SMYD3: variants seen among roughly 807,000 people sequenced by gnomAD.
The protein encoded by SMYD3 is SET and MYND domain containing 3, also known as histone-lysine N-methyltransferase SMYD3.
A neutral mutation model predicts 57.7 loss-of-function variants in SMYD3; 36 were observed. That is an observed-to-expected ratio of 0.62 (90% CI 0.48 to 0.82). The LOEUF (loss-of-function observed/expected upper bound fraction) is 0.82, where lower values mean the gene tolerates loss of function less well. Ranked by LOEUF, SMYD3 falls within the 40% of genes least tolerant of loss-of-function variation. The pLI is 0.00. For synonymous variants in SMYD3, 211 were observed against 195.0 expected, an observed-to-expected ratio of 1.08 and a Z score of -0.68; for missense variants, 515 against 538.8, an observed-to-expected ratio of 0.96 and a Z score of 0.44.
At chr1:246,457,573 A>C (rs1205906074) in intron 1 of SMYD3, among the ~76,000 whole-genome samples, 1 of 151,586 alleles carries the variant, frequency 6.6e-6, no homozygotes, top group African/African-American at 2.4e-5. Context: ...AGAAAAGAAA[A>C]GAAAAAGAAA....
At chr1:246,125,714 G>A (rs911107950) in intron 5 of SMYD3, among the ~76,000 whole-genome samples, 7 of 151,984 alleles carry the variant, frequency 4.6e-5, no homozygotes, top group Non-Finnish European at 4.4e-5. Flanking sequence ...AATGGCAATG[G>A]CAAAAACAAG....
Position 246,349,989 on chromosome 1 carries a change from G to A in SMYD3, c.228+5042C>T, listed in dbSNP as rs141551842. On this transcript the variant is annotated intron_variant, in intron 2 of 11. Coordinates refer to ENST00000490107, the MANE Select transcript of SMYD3 (RefSeq NM_001167740.2). ...ATTAAAAGACAGGAATGGTCGCAGT[G>A]GATCAAGACACAAAACCCAACCATA... Among the ~76,000 whole-genome samples the A allele has an allele frequency of 1.8e-4, 27 of 152,160 alleles. 1 individual carries two copies. In the East Asian group the frequency reaches 4.6e-3, roughly 26 times the overall value.
In SMYD3 at chr1:246,155,457, A is replaced by G. The variant is rs574766075; in HGVS notation, c.531+171744T>C. Among the ~76,000 whole-genome samples, 11 of 152,366 alleles carry G rather than the reference A, an allele frequency of 7.2e-5. No homozygotes were observed. In the South Asian group the frequency reaches 2.3e-3, roughly 32 times the overall value. ...TGATTAAAGAAAAATATAAAATTTC[A>G]AGCCCATCAACCAGTGCTGCTCTAT... On this transcript the variant is annotated intron_variant, in intron 5 of 11. Coordinates refer to ENST00000490107, the MANE Select transcript of SMYD3 (RefSeq NM_001167740.2).
chr1:245,762,075 G>A (rs984707483), intron 11 of SMYD3, among the ~76,000 whole-genome samples: 7 of 152,020 alleles, frequency 4.6e-5, no homozygotes, highest in South Asian at 2.1e-4. Context: ...GTGAGCCACC[G>A]CGCCCAGCCT....
intron 8 of SMYD3, among the ~76,000 whole-genome samples, chr1:245,904,756 G>C (rs1473224820): frequency 1.3e-5 from 2 of 152,066 alleles, no homozygotes; most frequent in Admixed American, 6.5e-5. Flanking sequence ...TGAGGCACCA[G>C]CTGGGACAGC....
intron 1 of SMYD3, among the ~76,000 whole-genome samples, chr1:246,361,616 T>C (rs571608810): frequency 6.6e-6 from 1 of 152,070 alleles, no homozygotes; most frequent in South Asian, 2.1e-4. Flanking sequence ...CACTCAACCA[T>C]AAAAAGGAAC....
At chr1:246,427,526 A>T (rs142638093) in intron 1 of SMYD3, among the ~76,000 whole-genome samples, 3,353 of 147,476 alleles carry the variant, frequency 0.023, 92 homozygotes, top group African/African-American at 0.067. Context: ...TCTCAAAAAA[A>T]AAAAAAATAA....
intron 5 of SMYD3, among the ~76,000 whole-genome samples, chr1:246,132,322 A>C (rs2061601309): frequency 6.6e-6 from 1 of 152,132 alleles, no homozygotes; most frequent in Non-Finnish European, 1.5e-5. Context: ...TTATGAAAAA[A>C]ACAATCCATG....
At chr1:246,352,239 A>G (rs1362906847) in intron 2 of SMYD3, among the ~76,000 whole-genome samples, 1 of 151,454 alleles carries the variant, frequency 6.6e-6, no homozygotes, top group African/African-American at 2.4e-5. Flanking sequence ...CACCTGCAAT[A>G]CCCCAATAGC....
intron 10 of SMYD3, among the ~76,000 whole-genome samples, chr1:245,838,866 A>G (rs990268482): frequency 1.3e-5 from 2 of 152,254 alleles, no homozygotes; most frequent in African/African-American, 4.8e-5. Context: ...CAGGAGACAT[A>G]CAATCCCACC....
chr1:245,943,375 C>A (rs1384431791), intron 5 of SMYD3, among the ~76,000 whole-genome samples: 1 of 152,042 alleles, frequency 6.6e-6, no homozygotes, highest in Non-Finnish European at 1.5e-5. Flanking sequence ...TGCAAATAAA[C>A]TAGAAAATCT....
At chr1:246,017,797 T>C (rs746821403) in intron 5 of SMYD3, among the ~76,000 whole-genome samples, 3 of 152,192 alleles carry the variant, frequency 2.0e-5, no homozygotes, top group Non-Finnish European at 4.4e-5. Flanking sequence ...AACTTAGGAC[T>C]TTAAGCACTG....
At chr1:245,880,320 G>A (rs1160750961) in intron 8 of SMYD3, among the ~76,000 whole-genome samples, 1 of 152,182 alleles carries the variant, frequency 6.6e-6, no homozygotes. Context: ...ATATTCTGGG[G>A]GTAAGATAAG....
At chr1:245,993,853 T>A (rs1300512083) in intron 5 of SMYD3, among the ~76,000 whole-genome samples, 1 of 152,212 alleles carries the variant, frequency 6.6e-6, no homozygotes, top group Non-Finnish European at 1.5e-5. Flanking sequence ...GGAATGTATT[T>A]AATGTCACTG....
intron 1 of SMYD3, among the ~76,000 whole-genome samples, chr1:246,434,658 G>A (rs560550128): frequency 1.8e-4 from 28 of 152,188 alleles, no homozygotes; most frequent in Non-Finnish European, 3.7e-4. Context: ...AGATGCTGGC[G>A]AGGCTGCAGA....
chr1:246,074,470 C>T (rs1425693935), intron 5 of SMYD3, among the ~76,000 whole-genome samples: 1 of 150,906 alleles, frequency 6.6e-6, no homozygotes, highest in Non-Finnish European at 1.5e-5. Flanking sequence ...CCAAATATAA[C>T]AACTATAAGC....
Position 245,915,525 on chromosome 1 carries a change from C to A in SMYD3, c.813+5G>T, listed in dbSNP as rs747600087. On this transcript the variant is annotated splice_donor_5th_base_variant and intron_variant, in intron 8 of 11. Coordinates refer to ENST00000490107, the MANE Select transcript of SMYD3 (RefSeq NM_001167740.2). ...GGTGTTTCAATCTGGTTCCATACTA[C>A]ATACCTTGTCCTGGGTTTGGCAACG... 3 of 1,600,926 alleles carry A rather than the reference C, an allele frequency of 1.9e-6. No individual in the cohort carries two copies. In the Admixed American group the frequency reaches 5.0e-5, roughly 27 times the overall value.
intron 5 of SMYD3, among the ~76,000 whole-genome samples, chr1:246,006,499 C>T (rs981416138): frequency 3.0e-4 from 45 of 152,138 alleles, no homozygotes; most frequent in African/African-American, 1.1e-3. Context: ...CTGTCTTTCC[C>T]CACATACTTA....
intron 10 of SMYD3, among the ~76,000 whole-genome samples, chr1:245,779,084 C>T (rs1484119629): frequency 6.6e-6 from 1 of 151,084 alleles, no homozygotes; most frequent in African/African-American, 2.4e-5. Context: ...CACTTGAACC[C>T]AGAAGGAGGA....
Sources: allele counts gnomAD v4.1 joint callset (sites outside exome capture counted in the v4.1 genomes callset), GRCh38; gene constraint gnomAD v4.1.1; transcripts MANE v1.5; gene names NCBI Gene and HGNC (gene_info 2026-07-23, HGNC 2026-07-21).